Variants in TIMP2 observed in about 807,000 individuals in gnomAD.
TIMP2 encodes the protein TIMP metallopeptidase inhibitor 2.
Under a neutral mutation model 24.3 loss-of-function variants are expected in TIMP2, and 5 were observed. The observed-to-expected ratio is 0.21, with a 90% CI of 0.11 to 0.43. The LOEUF (loss-of-function observed/expected upper bound fraction) is 0.43, where lower values mean the gene tolerates loss of function less well. Ranked by LOEUF, TIMP2 falls within the 20% of genes least tolerant of loss-of-function variation. The pLI is 1.00. For synonymous variants in TIMP2, 130 were observed against 123.2 expected (o/e 1.06, Z -0.37); for missense variants, 221 against 297.5 (o/e 0.74, Z 1.89).
chr17:78,857,959 A>G (rs2069538435), intron 3 of TIMP2, among the ~76,000 whole-genome samples: 1 of 152,034 alleles, frequency 6.6e-6, no homozygotes, highest in South Asian at 2.1e-4. Flanking sequence ...AATCCCAGCT[A>G]CTTGGGAGGC....
At chr17:78,893,094 T>G (rs558564432) in intron 1 of TIMP2, among the ~76,000 whole-genome samples, 5 of 149,356 alleles carry the variant, frequency 3.3e-5, no homozygotes, top group African/African-American at 9.9e-5. Context: ...TGTGCAGGGG[T>G]GTGTGTGGGT....
At chr17:78,914,278 T>TTTAC (rs914062874) in intron 1 of TIMP2, among the ~76,000 whole-genome samples, 9 of 136,604 alleles carry the variant, frequency 6.6e-5, no homozygotes, top group South Asian at 2.2e-4. Flanking sequence ...TATTTATTTA[T>TTTAC]TTATTTATTT....
At chr17:78,897,748 C>T (rs2070026133) in intron 1 of TIMP2, 1 of 152,298 alleles carries the variant, frequency 6.6e-6, no homozygotes, top group Admixed American at 6.5e-5. Flanking sequence ...CCTCCAGATA[C>T]AGGGACAACC....
At chr17:78,878,746 G>A (rs1000985717) in intron 1 of TIMP2, among the ~76,000 whole-genome samples, 8 of 152,148 alleles carry the variant, frequency 5.3e-5, no homozygotes, top group Non-Finnish European at 1.0e-4. Context: ...GCAGGGAAGT[G>A]GGGGTGAGGG....
chr17:78,885,445 C>T (rs1371835735), intron 1 of TIMP2, among the ~76,000 whole-genome samples: 1 of 152,246 alleles, frequency 6.6e-6, no homozygotes, highest in Non-Finnish European at 1.5e-5. Flanking sequence ...CTCTGGAAAC[C>T]TCAGGAGCCC....
In TIMP2 at chr17:78,888,452, G is replaced by A. The variant is rs558584261; in HGVS notation, c.131-14533C>T. ...TGGGATTACAGGTGTGAGCCACCGC[G>A]TCCAGTATCTTTTTGTTTCTGAGAC... On this transcript the variant is annotated intron_variant, in intron 1 of 4. Coordinates refer to ENST00000262768, the MANE Select transcript of TIMP2 (RefSeq NM_003255.5). Among the ~76,000 whole-genome samples, 28 of 150,384 alleles carry A rather than the reference G, an allele frequency of 1.9e-4. No individual in the cohort carries two copies. In the East Asian group the frequency reaches 3.8e-3, roughly 20 times the overall value.
At position 78,896,591 on chromosome 17, in the gene TIMP2, T is replaced by C. The variant is rs1315558730; in HGVS notation, c.131-22672A>G. On this transcript the variant is annotated intron_variant, in intron 1 of 4. Transcript: ENST00000262768. This position sits in a 1 kb window ranked among gnomAD's most constrained non-coding sequence, Gnocchi z 4.4. ...AGTGTTCTGAGCATCCTGGGCTGCT[T>C]TGGTGTTTTCTACTCCCCTGCTGCC... Among the ~76,000 whole-genome samples, 1 of 152,040 alleles carries C rather than the reference T, an allele frequency of 6.6e-6. No individual in the cohort carries two copies. The highest frequency in any genetic ancestry group is 2.4e-5 in the African/African-American group (1 of 41,396).
chr17:78,871,642 C>T (rs930323678), intron 2 of TIMP2, among the ~76,000 whole-genome samples: 2 of 151,646 alleles, frequency 1.3e-5, no homozygotes, highest in African/African-American at 4.8e-5. Flanking sequence ...GTCAGAAGAT[C>T]GACACCATCC....
In TIMP2 at chr17:78,891,537, C is replaced by T. The variant is rs367913374; in HGVS notation, c.131-17618G>A. 10 of 1,551,054 alleles carry T rather than the reference C, an allele frequency of 6.4e-6. No individual in the cohort carries two copies. Among genetic ancestry groups the T allele is most frequent in the African/African-American group, 1.4e-5 (1 of 73,176 alleles). ...AGCGTGCACTGAGATGCTGGGGACA[C>T]GGCTTCCCTTCTGCAGCTGGAATCA... On this transcript the variant is annotated intron_variant, in intron 1 of 4. Coordinates refer to ENST00000262768, the MANE Select transcript of TIMP2 (RefSeq NM_003255.5). This position sits in a 1 kb window ranked among gnomAD's most constrained non-coding sequence, Gnocchi z 4.5.
chr17:78,875,569 G>A (rs1400618669), intron 1 of TIMP2, among the ~76,000 whole-genome samples: 1 of 152,184 alleles, frequency 6.6e-6, no homozygotes, highest in Non-Finnish European at 1.5e-5. Flanking sequence ...ATTAGTTGGT[G>A]ACATGGTCTG....
chr17:78,885,633 C>G (rs1303828643), intron 1 of TIMP2, among the ~76,000 whole-genome samples: 3 of 152,046 alleles, frequency 2.0e-5, no homozygotes, highest in Non-Finnish European at 1.5e-5. Flanking sequence ...CACTTGTGTC[C>G]GGAAGAGAGG....
intron 1 of TIMP2, among the ~76,000 whole-genome samples, chr17:78,876,112 C>T (rs1412912067): frequency 6.6e-6 from 1 of 152,166 alleles, no homozygotes; most frequent in Non-Finnish European, 1.5e-5. Context: ...TAACCATCCT[C>T]TCATCCACCG....
intron 1 of TIMP2, among the ~76,000 whole-genome samples, chr17:78,884,695 C>T (rs2069810047): frequency 6.6e-6 from 1 of 152,192 alleles, no homozygotes; most frequent in African/African-American, 2.4e-5. Flanking sequence ...TTGGCCTGGG[C>T]TGTCACAGCA....
chr17:78,884,206 C>T (rs1054965071), intron 1 of TIMP2, among the ~76,000 whole-genome samples: 15 of 152,218 alleles, frequency 9.9e-5, no homozygotes, highest in Non-Finnish European at 1.5e-4. Context: ...CCCCCTACAA[C>T]AGATGAGCAG....
chr17:78,916,887 C>T (rs563336058), intron 1 of TIMP2, among the ~76,000 whole-genome samples: 59 of 152,304 alleles, frequency 3.9e-4, no homozygotes, highest in Admixed American at 3.9e-4. Flanking sequence ...GACCTTTCCT[C>T]GGGGCTTATC....
In TIMP2 at chr17:78,914,959, C is replaced by T. The variant is rs562370166; in HGVS notation, c.130+10000G>A. On this transcript the variant is annotated intron_variant, in intron 1 of 4. Transcript: ENST00000262768. ...TTGCCCAGGCTGGCATGCAGTGGCA[C>T]GATCTCGGCTCACTGCAACCTCCGC... Among the ~76,000 whole-genome samples, 12 of 149,662 alleles carry T rather than the reference C, an allele frequency of 8.0e-5. 1 individual carries two copies. The South Asian group carries it at 2.3e-3, about 29-fold the overall frequency.
At chr17:78,869,813 T>G (rs955015124) in intron 3 of TIMP2, among the ~76,000 whole-genome samples, 1 of 152,082 alleles carries the variant, frequency 6.6e-6, no homozygotes, top group Admixed American at 6.5e-5. Flanking sequence ...AGACTCTGTC[T>G]CAAAAACAAA....
chr17:78,885,735 G>A (rs2069819930), intron 1 of TIMP2, among the ~76,000 whole-genome samples: 1 of 152,172 alleles, frequency 6.6e-6, no homozygotes, highest in African/African-American at 2.4e-5. Flanking sequence ...AGGAAGTGCA[G>A]AAACCTTAAC....
At chr17:78,892,683 T>A (rs1442088810) in intron 1 of TIMP2, among the ~76,000 whole-genome samples, 1 of 152,188 alleles carries the variant, frequency 6.6e-6, no homozygotes, top group Non-Finnish European at 1.5e-5. Context: ...GAACAGAGTG[T>A]GGTGTTGTTT....
Sources: gnomAD v4.1 joint callset for allele counts (sites outside exome capture counted in the v4.1 genomes callset) on GRCh38, gnomAD v4.1.1 for gene constraint, Gnocchi (gnomAD v3.1) non-coding constraint, MANE v1.5 for transcripts, NCBI Gene and HGNC (gene_info 2026-07-23, HGNC 2026-07-21) for gene names.